DGUOK: variants seen among roughly 807,000 people sequenced by gnomAD.
DGUOK encodes the protein deoxyguanosine kinase, also known as deoxyguanosine kinase, mitochondrial.
Under a neutral mutation model 36.6 loss-of-function variants are expected in DGUOK, and 30 were observed. That is an observed-to-expected ratio of 0.82 (90% CI 0.61 to 1.11). DGUOK has a LOEUF of 1.11. Among genes scored for constraint, DGUOK ranks in the 50% most tolerant of loss-of-function variants. The probability of loss-of-function intolerance (pLI) is 0.00; values close to 1 mark genes in which losing one functional copy is unlikely to be tolerated. For synonymous variants in DGUOK, 145 were observed against 126.3 expected, an observed-to-expected ratio of 1.15 and a Z score of -0.99; for missense variants, 361 against 336.4, an observed-to-expected ratio of 1.07 and a Z score of -0.57.
At chr2:73,933,885 A>G (rs1279356591) in intron 1 of DGUOK, among the ~76,000 whole-genome samples, 2 of 152,224 alleles carry the variant, frequency 1.3e-5, no homozygotes, top group African/African-American at 2.4e-5. Flanking sequence ...TGCAGCATCA[A>G]ATACAGTATC....
At chr2:73,942,801 A>G (rs897554062) in intron 2 of DGUOK, among the ~76,000 whole-genome samples, 5 of 152,206 alleles carry the variant, frequency 3.3e-5, no homozygotes, top group South Asian at 2.1e-4. Context: ...TGCCTCTAAT[A>G]TATCAGTGTT....
intron 1 of DGUOK, among the ~76,000 whole-genome samples, chr2:73,928,126 T>TTTTTA (rs200104059): frequency 0.014 from 2,152 of 152,088 alleles, 45 homozygotes; most frequent in African/African-American, 0.047. Flanking sequence ...TTGAGGGAAG[T>TTTTTA]TTTTATTTTA....
At chr2:73,943,655 T>G (rs943231120) in intron 2 of DGUOK, among the ~76,000 whole-genome samples, 5 of 151,932 alleles carry the variant, frequency 3.3e-5, no homozygotes, top group African/African-American at 9.7e-5. Context: ...ATTCAGGTTT[T>G]TTTTTTTTTT....
intron 2 of DGUOK, among the ~76,000 whole-genome samples, chr2:73,941,077 G>A (rs1681868445): frequency 6.6e-6 from 1 of 152,204 alleles, no homozygotes; most frequent in Admixed American, 6.5e-5. Flanking sequence ...TTCTAGGGTA[G>A]GTCATAAGAG....
chr2:73,931,178 G>A (rs568980219), intron 1 of DGUOK, among the ~76,000 whole-genome samples: 75 of 152,328 alleles, frequency 4.9e-4, no homozygotes, highest in Admixed American at 3.6e-3. Context: ...GAATTCCCAA[G>A]AGGAAGAAGA....
At chr2:73,927,417 C>G (rs1343510896) in intron 1 of DGUOK, among the ~76,000 whole-genome samples, 2 of 152,178 alleles carry the variant, frequency 1.3e-5, no homozygotes. Context: ...AAAATAATAT[C>G]CAGTTAAAAT....
At chr2:73,927,080 C>G (rs750879213) in intron 1 of DGUOK, 28 bp downstream of exon 1, 2 of 1,604,272 alleles carry the variant, frequency 1.2e-6, no homozygotes, top group African/African-American at 1.3e-5. Context: ...GCTGCCAAGC[C>G]TTGGCCTCCG....
At chr2:73,927,719 TAA>T (rs1208903771) in intron 1 of DGUOK, among the ~76,000 whole-genome samples, 1 of 152,224 alleles carries the variant, frequency 6.6e-6, no homozygotes, top group African/African-American at 2.4e-5. Context: ...ATTATTTTGT[TAA>T]AAGAGTGAGA....
chr2:73,957,868 C>T, intron 5 of DGUOK: 3 of 383,888 alleles, frequency 7.8e-6, no homozygotes, highest in Non-Finnish European at 1.5e-5. Flanking sequence ...CTGGTTTCTG[C>T]CTGTCCTCCC....
At chr2:73,927,203 C>G in intron 1 of DGUOK, 151 bp downstream of exon 1, 2 of 1,062,596 alleles carry the variant, frequency 1.9e-6, no homozygotes, top group South Asian at 1.5e-5. Flanking sequence ...GCAAAGTGCA[C>G]TGTGTATCTT....
At chr2:73,940,518 G>T (rs73947454) in intron 2 of DGUOK, among the ~76,000 whole-genome samples, 11,050 of 152,156 alleles carry the variant, frequency 0.073, 515 homozygotes, top group African/African-American at 0.13. Context: ...GCCTGTGTGT[G>T]TATTTGTGAA....
At position 73,952,344 on chromosome 2, in the gene DGUOK, T is replaced by C. The variant is rs13404298; in HGVS notation, c.591+1612T>C. Among the ~76,000 whole-genome samples the C allele has an allele frequency of 5.5e-3, 830 of 152,232 alleles. 11 individuals are homozygous for C. The highest frequency in any genetic ancestry group is 0.019 in the African/African-American group (802 of 41,534). ...TGAGAGCCAGAATAGAAGAAGGGGA[T>C]TATACTTTAGGGGTAGAGATTAGTG... On this transcript the variant is annotated intron_variant, in intron 4 of 6. Coordinates refer to ENST00000264093, the MANE Select transcript of DGUOK (RefSeq NM_080916.3).
At position 73,952,804 on chromosome 2, in the gene DGUOK, A is replaced by C. The variant is rs1184810397; in HGVS notation, c.591+2072A>C. Among the ~76,000 whole-genome samples the C allele has an allele frequency of 4.5e-4, 68 of 152,196 alleles. 2 individuals carry two copies. The highest frequency in any genetic ancestry group is 4.5e-3 in the Admixed American group (68 of 15,278). Reference sequence around the variant, plus strand: ...TTTCTGGGGAGTGGAAGTTGGACCCAGCAAGGAGAACAAGAAAGTCTTAAT... The same window carrying C: ...TTTCTGGGGAGTGGAAGTTGGACCCCGCAAGGAGAACAAGAAAGTCTTAAT... On this transcript the variant is annotated intron_variant, in intron 4 of 6. Transcript: ENST00000264093.
chr2:73,931,047 C>T lies in DGUOK; in HGVS notation c.142+3995C>T, dbSNP rs528741138. 4.6e-5 allele frequency among the ~76,000 whole-genome samples: 7 copies of T among 152,162 alleles called. No homozygotes were observed. In the South Asian group the frequency reaches 1.0e-3, roughly 23 times the overall value. On this transcript the variant is annotated intron_variant, in intron 1 of 6. Transcript: ENST00000264093. ...TCCTGACCTCGTGATCCGCCAGCTT[C>T]GGCCTCCCAAAGTGCTGGGATTATA...
At chr2:73,938,097 G>T (rs1359592606) in intron 1 of DGUOK, among the ~76,000 whole-genome samples, 1 of 152,122 alleles carries the variant, frequency 6.6e-6, no homozygotes, top group Non-Finnish European at 1.5e-5. Flanking sequence ...CCACACCCAT[G>T]TTGAGCCACT....
At chr2:73,929,029 A>G (rs1261442752) in intron 1 of DGUOK, among the ~76,000 whole-genome samples, 2 of 152,204 alleles carry the variant, frequency 1.3e-5, no homozygotes, top group Non-Finnish European at 2.9e-5. Flanking sequence ...GGGGCCAATG[A>G]TGACTCCAAT....
rs1246769995 is a variant in DGUOK at position 73,958,790 on chromosome 2, GAA to G, written c.*58_*59del. 5.9e-6 allele frequency: 9 copies of G among 1,512,994 alleles called. No individual in the cohort carries two copies. Among genetic ancestry groups the G allele is most frequent in the Non-Finnish European group, 7.4e-6 (8 of 1,087,616 alleles). The allele number at this position is 1,512,994 out of a possible 1,614,324, so 93.7% of individuals were successfully genotyped here. A position where few individuals can be genotyped will look rare whatever the true frequency, so the allele number is the denominator to read the frequency against. On this transcript the variant is annotated 3_prime_UTR_variant, in exon 7 of 7. Transcript: ENST00000264093. The stretch of plus-strand genomic sequence containing the variant: ...TGGGCTCCCTGACTTTCTGAAGCTA[GAA>G]AAATGTTGTGTCTCCCAACCACCTT...
At chr2:73,943,440 A>G (rs1431762276) in intron 2 of DGUOK, among the ~76,000 whole-genome samples, 1 of 151,248 alleles carries the variant, frequency 6.6e-6, no homozygotes, top group Non-Finnish European at 1.5e-5. Context: ...GGGACCACAG[A>G]TGTGAGCTGT....
intron 2 of DGUOK, among the ~76,000 whole-genome samples, chr2:73,941,289 C>G (rs1038110375): frequency 6.6e-6 from 1 of 152,160 alleles, no homozygotes; most frequent in Non-Finnish European, 1.5e-5. Flanking sequence ...CATGAGAAAC[C>G]CTGAGGCCCA....
Sources: allele counts gnomAD v4.1 joint callset (sites outside exome capture counted in the v4.1 genomes callset), GRCh38; gene constraint gnomAD v4.1.1; transcripts MANE v1.5; gene names NCBI Gene and HGNC (gene_info 2026-07-23, HGNC 2026-07-21).